The following TMTC1 variants were observed in gnomAD, a reference collection of about 807,000 sequenced individuals.
The protein encoded by TMTC1 is protein O-mannosyl-transferase TMTC1.
Under a neutral mutation model 104.8 loss-of-function variants are expected in TMTC1, and 73 were observed. That is an observed-to-expected ratio of 0.70 (90% CI 0.58 to 0.85). TMTC1 has a LOEUF of 0.85. Among genes scored for constraint, TMTC1 ranks in the 40% least tolerant of loss-of-function variants. The pLI is 0.00. For missense variants in TMTC1, 1,035 were observed against 1,096.1 expected, an observed-to-expected ratio of 0.94 and a Z score of 0.79; for synonymous variants, 434 against 428.7, an observed-to-expected ratio of 1.01 and a Z score of -0.15.
chr12:29,767,737 G>GA (rs2120492725), intron 2 of TMTC1, among the ~76,000 whole-genome samples, 161 bp downstream of exon 2: 1 of 151,902 alleles, frequency 6.6e-6, no homozygotes, highest in East Asian at 1.9e-4. Context: ...TTTTGAAAAG[G>GA]AAAAAAGATC....
At chr12:29,684,585 T>C (rs968868145) in intron 5 of TMTC1, among the ~76,000 whole-genome samples, 1 of 152,208 alleles carries the variant, frequency 6.6e-6, no homozygotes, top group African/African-American at 2.4e-5. Context: ...AGCTTTTTAT[T>C]TCTTTTTATT....
chr12:29,738,934 T>C (rs998123925), intron 5 of TMTC1, among the ~76,000 whole-genome samples: 13 of 152,216 alleles, frequency 8.5e-5, no homozygotes, highest in African/African-American at 1.9e-4. Flanking sequence ...AATTTTTATA[T>C]GAGACAACCT....
intron 16 of TMTC1, among the ~76,000 whole-genome samples, chr12:29,512,746 T>A (rs1943875746): frequency 6.6e-6 from 1 of 152,222 alleles, no homozygotes; most frequent in Non-Finnish European, 1.5e-5. Flanking sequence ...ATAACATGTA[T>A]CCTATTAAAT....
rs187515664 is a variant in TMTC1 at position 29,652,508 on chromosome 12, T to C, written c.939-19172A>G. 8.5e-5 allele frequency among the ~76,000 whole-genome samples: 13 copies of C among 152,322 alleles called. No homozygotes were observed. In the East Asian group the frequency reaches 2.3e-3, roughly 27 times the overall value. The stretch of plus-strand genomic sequence containing the variant: ...ACAAGGATATATCCAGAGGTGGTAG[T>C]GCAAAGTGGCCTTCAGAAACAAAAA... On this transcript the variant is annotated intron_variant, in intron 5 of 17. Coordinates refer to ENST00000539277, the MANE Select transcript of TMTC1 (RefSeq NM_001193451.2).
At chr12:29,519,088 T>A (rs1565640094) in intron 12 of TMTC1, 1 of 152,568 alleles carries the variant, frequency 6.6e-6, no homozygotes, top group Non-Finnish European at 1.5e-5. Context: ...ATAACACATA[T>A]CAGCTCTATA....
chr12:29,627,890 C>G (rs376289544), intron 6 of TMTC1, among the ~76,000 whole-genome samples: 2 of 152,120 alleles, frequency 1.3e-5, no homozygotes, highest in Non-Finnish European at 2.9e-5. Flanking sequence ...TTTCTTAAAA[C>G]AGAAAATGCA....
At chr12:29,583,305 T>G in intron 8 of TMTC1, 102 bp downstream of exon 8, 1 of 1,060,592 alleles carries the variant, frequency 9.4e-7, no homozygotes, top group Non-Finnish European at 1.3e-6. Flanking sequence ...ATAATTTTCC[T>G]TAGTAAATAC....
chr12:29,744,720 C>T (rs754568442), intron 5 of TMTC1, among the ~76,000 whole-genome samples: 1 of 152,074 alleles, frequency 6.6e-6, no homozygotes, highest in Non-Finnish European at 1.5e-5. Context: ...ATTCTCTAGC[C>T]ATCAAAGAAA....
rs770290990 is a variant in TMTC1, at chr12:29,516,335, A to G, written c.2307+14T>C. ...CTATGAATCCAAAGAACTCTAAACAATGTCCTTCTTTACCTTGTCGTGGTT... is the reference window on the plus strand; with the variant it reads ...CTATGAATCCAAAGAACTCTAAACAGTGTCCTTCTTTACCTTGTCGTGGTT... On this transcript the variant is annotated intron_variant, in intron 15 of 17. Coordinates refer to ENST00000539277, the MANE Select transcript of TMTC1 (RefSeq NM_001193451.2). 2.5e-6 allele frequency: 4 copies of G among 1,610,768 alleles called. No homozygotes were observed. The highest frequency in any genetic ancestry group is 2.2e-5 in the South Asian group (2 of 90,582).
chr12:29,551,255 ACTACTAT>A (rs1269083987), intron 10 of TMTC1, among the ~76,000 whole-genome samples: 7 of 152,168 alleles, frequency 4.6e-5, no homozygotes, highest in Non-Finnish European at 8.8e-5. Flanking sequence ...GTAGAGAAAA[ACTACTAT>A]CTTGAATGTA....
intron 6 of TMTC1, among the ~76,000 whole-genome samples, chr12:29,617,512 A>G (rs1464847551): frequency 6.6e-6 from 1 of 150,548 alleles, no homozygotes; most frequent in African/African-American, 2.4e-5. Flanking sequence ...CTCTTGGGAA[A>G]ACATCAGTAA....
intron 5 of TMTC1, among the ~76,000 whole-genome samples, chr12:29,706,146 T>C (rs745870719): frequency 1.3e-5 from 2 of 152,198 alleles, no homozygotes; most frequent in African/African-American, 2.4e-5. Context: ...TTTACCATGC[T>C]GCACACTGTC....
intron 5 of TMTC1, among the ~76,000 whole-genome samples, chr12:29,681,105 A>AG (rs1490473318): frequency 1.3e-5 from 2 of 150,578 alleles, no homozygotes; most frequent in Non-Finnish European, 3.0e-5. Context: ...TCTCCAAAAA[A>AG]AAAAAAAAAA....
At chr12:29,681,712 G>C (rs1047503900) in intron 5 of TMTC1, among the ~76,000 whole-genome samples, 4 of 148,756 alleles carry the variant, frequency 2.7e-5, no homozygotes, top group Non-Finnish European at 5.9e-5. Flanking sequence ...AGAGGAGAAA[G>C]AGTGAGATGG....
At chr12:29,737,094 A>G (rs1182088489) in intron 5 of TMTC1, among the ~76,000 whole-genome samples, 1 of 152,254 alleles carries the variant, frequency 6.6e-6, no homozygotes, top group African/African-American at 2.4e-5. Flanking sequence ...CGCACCCGAC[A>G]TTTCACTTTA....
rs1357629896 is a variant in TMTC1, at chr12:29,751,527, A to C, written c.938+139T>G. 3.6e-6 allele frequency: 3 copies of C among 836,340 alleles called. No homozygotes were observed. In the Admixed American group the frequency reaches 5.8e-5, roughly 16 times the overall value. 51.8% of individuals were successfully genotyped at this position (836,340 alleles called of 1,614,324 possible). ...AGGGAGGGAAATAGGGACAGGAAGAAGGGGGTAAGGAGGGAAGCATGAAGA... is the reference window on the plus strand; with the variant it reads ...AGGGAGGGAAATAGGGACAGGAAGACGGGGGTAAGGAGGGAAGCATGAAGA... On this transcript the variant is annotated intron_variant, in intron 5 of 17. Transcript: ENST00000539277.
intron 12 of TMTC1, 77 bp downstream of exon 12, chr12:29,520,541 A>G: frequency 2.4e-6 from 3 of 1,261,504 alleles, no homozygotes; most frequent in South Asian, 2.5e-5. Flanking sequence ...ACTTCTGAGG[A>G]TTATTTGCCT....
intron 15 of TMTC1, among the ~76,000 whole-genome samples, chr12:29,514,899 G>A (rs956854758): frequency 3.3e-5 from 5 of 151,908 alleles, no homozygotes; most frequent in Non-Finnish European, 4.4e-5. Flanking sequence ...CTGTAATCCC[G>A]GCTACTGGGG....
chr12:29,648,271 T>C (rs1291302792), intron 5 of TMTC1, among the ~76,000 whole-genome samples: 1 of 152,228 alleles, frequency 6.6e-6, no homozygotes, highest in Non-Finnish European at 1.5e-5. Context: ...TTGAGGCACA[T>C]TCAGGTTTGA....
Sources: allele counts gnomAD v4.1 joint callset (sites outside exome capture counted in the v4.1 genomes callset), GRCh38; gene constraint gnomAD v4.1.1; transcripts MANE v1.5; gene names NCBI Gene and HGNC (gene_info 2026-07-23, HGNC 2026-07-21).